Variants in LSS observed in about 807,000 individuals in gnomAD.
LSS encodes lanosterol synthase, also known as 2,3-epoxysqualene-lanosterol cyclase.
In LSS, 90 loss-of-function variants were observed where a neutral mutation model predicts 110.3. The ratio of observed to expected loss-of-function variants is 0.82; its 90% CI spans 0.69 to 0.97. The LOEUF (loss-of-function observed/expected upper bound fraction) is 0.97, where lower values mean the gene tolerates loss of function less well. Ranked by LOEUF, LSS falls within the 50% of genes least tolerant of loss-of-function variation. LSS has a pLI of 0.00. For missense variants in LSS, 927 were observed against 990.0 expected (o/e 0.94, Z 0.85); for synonymous variants, 433 against 400.0 (o/e 1.08, Z -0.98).
intron 11 of LSS, among the ~76,000 whole-genome samples, chr21:46,211,212 C>G (rs112336557): frequency 6.6e-6 from 1 of 152,134 alleles, no homozygotes; most frequent in Non-Finnish European, 1.5e-5. Context: ...CTGCAAGCTC[C>G]GCCTCCTGGG....
chr21:46,210,583 A>G, intron 12 of LSS, 105 bp downstream of exon 12: 1 of 1,121,052 alleles, frequency 8.9e-7, no homozygotes, highest in Non-Finnish European at 1.3e-6. Flanking sequence ...GGAAGTATCG[A>G]GGAGTGGCAA....
chr21:46,200,323 A>G (rs755211093), intron 17 of LSS, among the ~76,000 whole-genome samples: 2 of 152,244 alleles, frequency 1.3e-5, no homozygotes, highest in Admixed American at 6.5e-5. Context: ...ATCAAATGCT[A>G]ACACTAACAG....
intron 12 of LSS, among the ~76,000 whole-genome samples, chr21:46,210,136 G>A (rs1382318490): frequency 7.2e-6 from 1 of 138,254 alleles, no homozygotes; most frequent in East Asian, 2.1e-4. Context: ...GCACAATCTC[G>A]GCTCGCTGCA....
intron 4 of LSS, chr21:46,222,217 G>A (rs949273080): frequency 1.1e-5 from 6 of 561,552 alleles, no homozygotes; most frequent in African/African-American, 5.7e-5. Context: ...ACCTTCCCAC[G>A]CCTGAGTCAA....
rs748331017 is a variant in LSS, at chr21:46,192,856, C to T, written c.1989-897G>A. 81 of 444,052 alleles carry T rather than the reference C, an allele frequency of 1.8e-4. 1 individual carries two copies. Among genetic ancestry groups the T allele is most frequent in the South Asian group, 7.2e-4 (46 of 63,980 alleles). The allele number at this position is 444,052 out of a possible 1,614,324, so 27.5% of individuals were successfully genotyped here. On this transcript the variant is annotated intron_variant, in intron 20 of 21. Coordinates refer to ENST00000397728, the MANE Select transcript of LSS (RefSeq NM_002340.6). ...TGTGTGTGGCACAGATGGGATACTG[C>T]GGGTGCATCTGCATATGTGTGCACA...
rs565496341 is a variant in LSS, at chr21:46,191,011, C to A, written c.*93G>T. On this transcript the variant is annotated 3_prime_UTR_variant, in exon 22 of 22. Coordinates refer to ENST00000397728, the MANE Select transcript of LSS (RefSeq NM_002340.6). ...GAGATAGAGGTTGAGGGGTTGGAGC[C>A]CAAGACAGGGTTATGGGAGGGCTCC... is the stretch of plus-strand genomic sequence containing the variant. The A allele has an allele frequency of 1.3e-5, 19 of 1,487,170 alleles. No individual in the cohort carries two copies. The highest frequency in any genetic ancestry group is 1.5e-5 in the Non-Finnish European group (16 of 1,087,014). The allele number at this position is 1,487,170 out of a possible 1,614,324, so 92.1% of individuals were successfully genotyped here.
At chr21:46,215,600 T>G (rs1310845892) in intron 8 of LSS, 85 bp downstream of exon 8, 1 of 948,564 alleles carries the variant, frequency 1.1e-6, no homozygotes, top group African/African-American at 1.7e-5. Context: ...CCAGTGCCGC[T>G]GGCAGGGGAT....
intron 17 of LSS, among the ~76,000 whole-genome samples, chr21:46,202,744 G>C (rs1254131716): frequency 3.9e-5 from 6 of 152,138 alleles, no homozygotes; most frequent in East Asian, 1.9e-4. Context: ...ACAGGTGATG[G>C]TATGCACCTG....
chr21:46,219,037 C>G (rs1397747655), intron 6 of LSS, among the ~76,000 whole-genome samples: 1 of 152,162 alleles, frequency 6.6e-6, no homozygotes, highest in Non-Finnish European at 1.5e-5. Context: ...AGACACTGAT[C>G]TTTTAAAGGC....
At chr21:46,223,770 G>C (rs61143328) in intron 3 of LSS, among the ~76,000 whole-genome samples, 1 of 152,170 alleles carries the variant, frequency 6.6e-6, no homozygotes, top group South Asian at 2.1e-4. Context: ...ACAGGAGTGC[G>C]AGCCTTCTGT....
chr21:46,209,526 C>A lies in LSS; in HGVS notation c.1266+28G>T. The stretch of plus-strand genomic sequence containing the variant: ...CCAGCCCTGATCCCCCTCTTCAGCC[C>A]CCTCAGAGCCCCAGGCACCGGCCTC... On this transcript the variant is annotated intron_variant, in intron 13 of 21. Coordinates refer to ENST00000397728, the MANE Select transcript of LSS (RefSeq NM_002340.6). The surrounding 1 kb of genome is among the most constrained non-coding windows in gnomAD (Gnocchi z 4.4). 1.3e-6 allele frequency: 2 copies of A among 1,582,508 alleles called. No individual in the cohort carries two copies. The highest frequency in any genetic ancestry group is 2.3e-5 in the East Asian group (1 of 43,706).
Position 46,191,975 on chromosome 21 carries a change from G to A in LSS, c.1989-16C>T. Reference sequence around the variant, plus strand: ...GTCAGGATGCCTGGTGGAAGAGAAGGCTGAAACACACCCAGCATGCATGCC... The same window carrying A: ...GTCAGGATGCCTGGTGGAAGAGAAGACTGAAACACACCCAGCATGCATGCC... On this transcript the variant is annotated splice_polypyrimidine_tract_variant and intron_variant, in intron 20 of 21. Coordinates refer to ENST00000397728, the MANE Select transcript of LSS (RefSeq NM_002340.6). 4 of 1,595,552 alleles carry A rather than the reference G, an allele frequency of 2.5e-6. No individual in the cohort carries two copies. Among genetic ancestry groups the A allele is most frequent in the Middle Eastern group, 1.7e-4 (1 of 6,024 alleles).
At chr21:46,211,531 C>T (rs1255310684) in intron 11 of LSS, among the ~76,000 whole-genome samples, 1 of 152,188 alleles carries the variant, frequency 6.6e-6, no homozygotes, top group East Asian at 1.9e-4. Context: ...CACAGGTACA[C>T]AGCCTGGTCT....
chr21:46,206,190 G>A lies in LSS; in HGVS notation c.1565-249C>T, dbSNP rs76660727. 0.043 allele frequency among the ~76,000 whole-genome samples: 6,569 copies of A among 152,334 alleles called. 206 individuals are homozygous for A. Among genetic ancestry groups the A allele is most frequent in the Non-Finnish European group, 0.067 (4,532 of 68,020 alleles). On this transcript the variant is annotated intron_variant, in intron 16 of 21. Coordinates refer to ENST00000397728, the MANE Select transcript of LSS (RefSeq NM_002340.6). ...CAAAAAGCCATGTGTGATGTGGAGG[G>A]GACCAGGAAGGCGGGTATGTGAGGT...
chr21:46,210,773 C>G (rs1194849774), intron 11 of LSS, 29 bp from the exon 12 acceptor site: 1 of 1,609,080 alleles, frequency 6.2e-7, no homozygotes, highest in Non-Finnish European at 8.5e-7. Context: ...GTTACAGCAG[C>G]AGATGCAGCC....
intron 17 of LSS, among the ~76,000 whole-genome samples, chr21:46,204,084 G>A (rs2080014215): frequency 6.6e-6 from 1 of 152,180 alleles, no homozygotes; most frequent in South Asian, 2.1e-4. Context: ...CCTGAGGTCA[G>A]GAGTTCAAGA....
At chr21:46,204,961 T>C (rs1746204679) in intron 17 of LSS, among the ~76,000 whole-genome samples, 2 of 151,756 alleles carry the variant, frequency 1.3e-5, no homozygotes, top group Admixed American at 6.6e-5. Context: ...GGACAGTGCA[T>C]TGTGACCAAG....
intron 3 of LSS, chr21:46,224,768 T>A (rs1486998409): frequency 6.6e-6 from 1 of 151,544 alleles, no homozygotes; most frequent in Non-Finnish European, 1.5e-5. Context: ...GCTGTCTACA[T>A]AGCATCATGG....
At chr21:46,214,967 T>C (rs2080180592) in intron 9 of LSS, among the ~76,000 whole-genome samples, 1 of 148,926 alleles carries the variant, frequency 6.7e-6, no homozygotes, top group Non-Finnish European at 1.5e-5. Context: ...AAGCGGGGGG[T>C]CGAGTGTGGT....
Sources: allele counts gnomAD v4.1 joint callset (sites outside exome capture counted in the v4.1 genomes callset), GRCh38; gene constraint gnomAD v4.1.1; non-coding constraint Gnocchi (gnomAD v3.1); transcripts MANE v1.5; gene names NCBI Gene and HGNC (gene_info 2026-07-23, HGNC 2026-07-21).